The following EP300 variants were observed in gnomAD, a reference collection of about 807,000 sequenced individuals.
The protein encoded by EP300 is EP300 lysine acetyltransferase.
A neutral mutation model predicts 264.0 loss-of-function variants in EP300; 31 were observed. The ratio of observed to expected loss-of-function variants is 0.12; its 90% CI spans 0.09 to 0.16. The LOEUF is 0.16. EP300 is among the 10% of genes least tolerant of loss of function. EP300 has a pLI of 1.00. For missense variants in EP300, 2,766 were observed against 3,052.9 expected (o/e 0.91, Z 2.21); for synonymous variants, 1,340 against 1,045.4 (o/e 1.28, Z -5.44).
chr22:41,099,720 C>G (rs1252793518), intron 1 of EP300, among the ~76,000 whole-genome samples: 1 of 152,142 alleles, frequency 6.6e-6, no homozygotes, highest in Non-Finnish European at 1.5e-5. Context: ...GTCATTGCTA[C>G]TTTTGGACTT....
chr22:41,131,752 T>A (rs1476630565), intron 6 of EP300, 119 bp downstream of exon 6: 6 of 1,475,260 alleles, frequency 4.1e-6, no homozygotes, highest in Non-Finnish European at 5.6e-6. Context: ...AGTAATTTTT[T>A]AAAGATTACA....
At chr22:41,158,804 T>G in intron 19 of EP300, 1 of 385,904 alleles carries the variant, frequency 2.6e-6, no homozygotes, top group Non-Finnish European at 4.9e-6. Context: ...GTGTGTTTGT[T>G]GATCACCACA....
Position 41,178,613 on chromosome 22 carries a change from A to G in EP300, c.6902A>G (p.Asn2301Ser). 6.2e-7 allele frequency: 1 copy of G among 1,613,920 alleles called. No individual in the cohort carries two copies. The highest frequency in any genetic ancestry group is 8.5e-7 in the Non-Finnish European group (1 of 1,179,958). ...SPHLQGQQIPNSLSNQVRSPQ... is the reference protein window; with the variant it reads ...SPHLQGQQIPSSLSNQVRSPQ... ...CACCTACAAGGCCAGCAGATCCCTA[A>G]TTCTCTCTCCAATCAAGTGCGCTCT... Residue 2301 changes from asparagine (N) to serine (S), a missense_variant, in exon 31 of 31, where the codon AAT becomes AGT. Coordinates refer to ENST00000263253, the MANE Select transcript of EP300 (RefSeq NM_001429.4).
chr22:41,171,485 C>G (rs886357152), intron 27 of EP300, among the ~76,000 whole-genome samples: 6 of 151,994 alleles, frequency 3.9e-5, no homozygotes, highest in African/African-American at 1.5e-4. Flanking sequence ...TAGGTGCACA[C>G]TACGAGAGCT....
chr22:41,132,522 C>G (rs777605595), intron 6 of EP300, among the ~76,000 whole-genome samples: 1 of 151,998 alleles, frequency 6.6e-6, no homozygotes, highest in African/African-American at 2.4e-5. Flanking sequence ...CTCTTGACCT[C>G]GTGATCCACC....
chr22:41,152,449 A>G (rs2059052143), intron 16 of EP300, 99 bp downstream of exon 16: 2 of 1,416,244 alleles, frequency 1.4e-6, no homozygotes, highest in South Asian at 1.2e-5. Flanking sequence ...AGTTGCCATT[A>G]TTGTGATTTC....
intron 19 of EP300, chr22:41,158,792 CTG>C (rs567164987): frequency 6.8e-4 from 276 of 407,230 alleles, no homozygotes; most frequent in Middle Eastern, 2.3e-3. Context: ...TCTCTTTCTA[CTG>C]TGTGTTTGTT....
intron 10 of EP300, among the ~76,000 whole-genome samples, chr22:41,141,834 G>C (rs772211582): frequency 6.6e-6 from 1 of 151,882 alleles, no homozygotes; most frequent in African/African-American, 2.4e-5. Context: ...ATGCCACCAC[G>C]CCTGTCTAAT....
chr22:41,177,482 C>G lies in EP300; in HGVS notation c.5771C>G (p.Ala1924Gly). The change falls in exon 31 of 31, where the codon GCA (alanine) becomes GGA (glycine). Residue 1924 changes from alanine to glycine, a missense_variant. Coordinates refer to ENST00000263253, the MANE Select transcript of EP300 (RefSeq NM_001429.4). ...AQPPLPGPPPAAVEMAMQIQR... is the reference protein window; with the variant it reads ...AQPPLPGPPPGAVEMAMQIQR... ...CCACCCCTTCCAGGGCCCCCACCTGCAGCAGTGGAAATGGCAATGCAGATT... is the reference window on the plus strand; with the variant it reads ...CCACCCCTTCCAGGGCCCCCACCTGGAGCAGTGGAAATGGCAATGCAGATT... 1 of 1,614,212 alleles carries G rather than the reference C, an allele frequency of 6.2e-7. No homozygotes were observed. Among genetic ancestry groups the G allele is most frequent in the Non-Finnish European group, 8.5e-7 (1 of 1,180,036 alleles).
chr22:41,134,808 CAT>C (rs766418045), intron 6 of EP300, among the ~76,000 whole-genome samples: 1 of 152,212 alleles, frequency 6.6e-6, no homozygotes, highest in Non-Finnish European at 1.5e-5. Context: ...TTGAAAATAA[CAT>C]GTACAGCGGT....
At chr22:41,150,383 G>A (rs888493004) in intron 14 of EP300, among the ~76,000 whole-genome samples, 185 bp downstream of exon 14, 1 of 152,094 alleles carries the variant, frequency 6.6e-6, no homozygotes, top group African/African-American at 2.4e-5. Flanking sequence ...ACCTATCGTA[G>A]CAGGAGCATA....
intron 20 of EP300, among the ~76,000 whole-genome samples, chr22:41,161,515 G>A (rs1373262806): frequency 1.3e-5 from 2 of 152,194 alleles, no homozygotes; most frequent in Non-Finnish European, 2.9e-5. Context: ...TACTCGGGAG[G>A]CTGAGGCAGG....
At chr22:41,172,706 A>G (rs771546965) in intron 28 of EP300, 43 bp downstream of exon 28, 3 of 1,587,586 alleles carry the variant, frequency 1.9e-6, no homozygotes, top group Admixed American at 3.5e-5. Flanking sequence ...TCATGATTCT[A>G]ATATTTAATC....
At chr22:41,093,169 ATTT>A (rs901373416) in intron 1 of EP300, 71 bp downstream of exon 1, 21 of 1,349,052 alleles carry the variant, frequency 1.6e-5, no homozygotes, top group Non-Finnish European at 2.0e-6. Flanking sequence ...TTATTCTTCC[ATTT>A]TTTTTTTCTT....
intron 2 of EP300, among the ~76,000 whole-genome samples, chr22:41,118,188 G>T (rs1318494306): frequency 1.3e-5 from 2 of 152,168 alleles, no homozygotes; most frequent in Non-Finnish European, 2.9e-5. Context: ...CTATTGCTTT[G>T]AATGTCCCTG....
intron 3 of EP300, chr22:41,126,442 C>G (rs1159513391): frequency 5.9e-6 from 1 of 170,210 alleles, no homozygotes; most frequent in African/African-American, 2.4e-5. Flanking sequence ...CTACTACACC[C>G]AAGTAAATTC....
Position 41,163,908 on chromosome 22 carries a change from C to CT in EP300, c.3729-144dup, listed in dbSNP as rs1464489046. ...AGCCTGTACAACAGAGACCCTATCT[C>CT]TAAAAAAATAGAAACTTTATTAAAA... On this transcript the variant is annotated intron_variant, in intron 21 of 30. Transcript: ENST00000263253. 1.0e-5 allele frequency: 8 copies of CT among 793,004 alleles called. No homozygotes were observed. In the African/African-American group the frequency reaches 1.2e-4, roughly 12 times the overall value. The allele number at this position is 793,004 out of a possible 1,614,324, so 49.1% of individuals were successfully genotyped here.
chr22:41,171,343 G>C (rs2059169676), intron 27 of EP300, among the ~76,000 whole-genome samples: 1 of 151,854 alleles, frequency 6.6e-6, no homozygotes, highest in Non-Finnish European at 1.5e-5. Flanking sequence ...AGGGGTGTGG[G>C]TGTTTTGTTT....
At chr22:41,131,747 T>C (rs1243184335) in intron 6 of EP300, 114 bp downstream of exon 6, 4 of 1,505,008 alleles carry the variant, frequency 2.7e-6, no homozygotes, top group Non-Finnish European at 3.7e-6. Context: ...TTTTAAGTAA[T>C]TTTTTAAAGA....
Sources: gnomAD v4.1 joint callset for allele counts (sites outside exome capture counted in the v4.1 genomes callset) on GRCh38, gnomAD v4.1.1 for gene constraint, MANE v1.5 for transcripts, NCBI Gene and HGNC (gene_info 2026-07-23, HGNC 2026-07-21) for gene names.